VPS13A: variants seen among roughly 807,000 people sequenced by gnomAD.
The protein encoded by VPS13A is vacuolar protein sorting 13 homolog A.
In VPS13A, 264 loss-of-function variants were observed where a neutral mutation model predicts 390.9. The observed-to-expected ratio is 0.68, with a 90% CI of 0.61 to 0.75. The LOEUF (loss-of-function observed/expected upper bound fraction) is 0.75. Ranked by LOEUF, VPS13A falls within the 30% of genes least tolerant of loss-of-function variation. The pLI, the probability that VPS13A is intolerant of heterozygous loss-of-function variation, is 0.00. For missense variants in VPS13A, 3,409 were observed against 3,733.9 expected (o/e 0.91, Z 2.27); for synonymous variants, 1,231 against 1,227.1 (o/e 1.00, Z -0.07).
At chr9:77,215,595 C>T (rs1173040929) in intron 10 of VPS13A, among the ~76,000 whole-genome samples, 1 of 152,102 alleles carries the variant, frequency 6.6e-6, no homozygotes, top group Non-Finnish European at 1.5e-5. Context: ...TAAAGAATTA[C>T]CAACTATAAG....
At chr9:77,272,182 G>A (rs1826386861) in intron 23 of VPS13A, among the ~76,000 whole-genome samples, 2 of 152,080 alleles carry the variant, frequency 1.3e-5, no homozygotes, top group African/African-American at 4.8e-5. Flanking sequence ...ATTAAAACTA[G>A]GATGACATGG....
intron 31 of VPS13A, among the ~76,000 whole-genome samples, chr9:77,288,298 C>G (rs968724168): frequency 6.6e-6 from 1 of 152,136 alleles, no homozygotes; most frequent in Non-Finnish European, 1.5e-5. Flanking sequence ...TTTATTTATG[C>G]TCTTTTAAGA....
intron 68 of VPS13A, among the ~76,000 whole-genome samples, chr9:77,395,476 A>C (rs1587715248): frequency 6.6e-6 from 1 of 152,218 alleles, no homozygotes; most frequent in South Asian, 2.1e-4. Flanking sequence ...TGATAAAAAA[A>C]GTTTGAAATA....
chr9:77,260,616 A>G (rs1825706357), intron 23 of VPS13A, among the ~76,000 whole-genome samples: 1 of 152,050 alleles, frequency 6.6e-6, no homozygotes, highest in South Asian at 2.1e-4. Context: ...CGGCCTCCCA[A>G]AGTGCTGGGC....
chr9:77,221,729 A>G (rs1377246771), intron 13 of VPS13A, among the ~76,000 whole-genome samples: 1 of 152,104 alleles, frequency 6.6e-6, no homozygotes, highest in Non-Finnish European at 1.5e-5. Flanking sequence ...CAATCTGACC[A>G]TGCACTAATT....
chr9:77,238,189 G>A lies in VPS13A; in HGVS notation c.1783G>A (p.Ala595Thr). ...EAEPLEIIYD[A>T]RTVNSIVEFF... ...TGAACCTTTAGAAATCATATATGAT[G>A]CAGTAAGCATTTTTTTAAATTACTA... Residue 595 changes from alanine to threonine, a missense_variant and splice_region_variant, in exon 18 of 72, where the codon GCA becomes ACA. Around this residue, in one of 5 missense-constraint regions of VPS13A, gnomAD observed 2,717 missense variants for 2,917.4 expected, o/e 0.93. Coordinates refer to ENST00000360280, the MANE Select transcript of VPS13A (RefSeq NM_033305.3). 2 of 1,612,602 alleles carry A rather than the reference G, an allele frequency of 1.2e-6. No individual in the cohort carries two copies. The highest frequency in any genetic ancestry group is 1.7e-6 in the Non-Finnish European group (2 of 1,178,908).
intron 33 of VPS13A, among the ~76,000 whole-genome samples, chr9:77,301,951 A>G (rs1828382591): frequency 6.9e-6 from 1 of 144,520 alleles, no homozygotes; most frequent in South Asian, 2.2e-4. Context: ...CAAATTACAT[A>G]GAGATATTTT....
intron 22 of VPS13A, among the ~76,000 whole-genome samples, chr9:77,258,547 G>A (rs1303633376): frequency 6.6e-6 from 1 of 152,058 alleles, no homozygotes. Flanking sequence ...CATGCACTGA[G>A]AGTCTTGAGG....
At chr9:77,243,027 T>A (rs1008744474) in intron 19 of VPS13A, among the ~76,000 whole-genome samples, 1 of 152,084 alleles carries the variant, frequency 6.6e-6, no homozygotes, top group Non-Finnish European at 1.5e-5. Flanking sequence ...ATATTTTGGA[T>A]TTTTTCTAGA....
intron 14 of VPS13A, 46 bp downstream of exon 14, chr9:77,226,034 A>G: frequency 6.6e-7 from 1 of 1,514,648 alleles, no homozygotes; most frequent in African/African-American, 1.4e-5. Flanking sequence ...TGAATTCCAT[A>G]TAGATATGAC....
At chr9:77,381,436 G>T (rs968291297) in intron 67 of VPS13A, among the ~76,000 whole-genome samples, 1 of 152,050 alleles carries the variant, frequency 6.6e-6, no homozygotes, top group Non-Finnish European at 1.5e-5. Context: ...ATAGATTAAG[G>T]AAAATATACC....
intron 1 of VPS13A, among the ~76,000 whole-genome samples, chr9:77,190,759 TGC>T (rs1824629413): frequency 1.3e-5 from 2 of 152,236 alleles, no homozygotes; most frequent in African/African-American, 4.8e-5. Flanking sequence ...AACTCATTAT[TGC>T]TCTGTTGAGG....
At chr9:77,225,351 AG>A (rs1453241461) in intron 13 of VPS13A, among the ~76,000 whole-genome samples, 2 of 152,132 alleles carry the variant, frequency 1.3e-5, no homozygotes, top group Non-Finnish European at 2.9e-5. Flanking sequence ...CTCAGACTTA[AG>A]CTGTCCTCTC....
At chr9:77,399,197 A>T (rs7049206) in intron 68 of VPS13A, among the ~76,000 whole-genome samples, 1,472 of 114,210 alleles carry the variant, frequency 0.013, 30 homozygotes, top group East Asian at 0.034. Context: ...AAAAAAAAAA[A>T]AAAAAAAACA....
Position 77,274,225 on chromosome 9 carries a change from C to T in VPS13A, c.2512+861C>T, listed in dbSNP as rs1311203255. On this transcript the variant is annotated intron_variant, in intron 24 of 71. Transcript: ENST00000360280. ...CGGGCGGATCATGAGGTCAAGAGATCGAGACCATTCTGGCCAACATGGTGA... is the reference window on the plus strand; with the variant it reads ...CGGGCGGATCATGAGGTCAAGAGATTGAGACCATTCTGGCCAACATGGTGA... Among the ~76,000 whole-genome samples the T allele has an allele frequency of 2.6e-5, 4 of 151,892 alleles. No individual in the cohort carries two copies. The East Asian group carries it at 5.8e-4, about 22-fold the overall frequency.
In VPS13A at chr9:77,407,554, C is replaced by T; in HGVS notation, c.9421C>T (p.His3141Tyr). The T allele has an allele frequency of 1.9e-6, 3 of 1,612,880 alleles. No homozygotes were observed. Among genetic ancestry groups the T allele is most frequent in the Non-Finnish European group, 2.5e-6 (3 of 1,179,152 alleles). The change falls in exon 71 of 72, where the codon CAT (histidine) becomes TAT (tyrosine). Residue 3141 changes from histidine to tyrosine, a missense_variant. Physicochemically the swap from His to Tyr is moderately conservative, Grantham distance 83. Transcript: ENST00000360280. Reference protein sequence around the residue: ...EAKERVKSVFHAREFGKIINF... With the variant: ...EAKERVKSVFYAREFGKIINF... ...ATAGGAACGAGTGAAGTCTGTATTT[C>T]ATGCCAGAGAGTTTGGAAAAATAAT...
intron 1 of VPS13A, among the ~76,000 whole-genome samples, chr9:77,197,809 A>C (rs76492753): frequency 6.6e-6 from 1 of 152,302 alleles, no homozygotes; most frequent in Admixed American, 6.5e-5. Context: ...TGTACCTTCA[A>C]CCATCAGAAA....
chr9:77,370,580 T>A lies in VPS13A; in HGVS notation c.8907+2T>A, dbSNP rs1479800564. ...CGTGGAGGAAAAGGCTTAGTTTCTG[T>A]AAGAAATTTCACAGGGTTGTGAAGA... On this transcript the variant is annotated splice_donor_variant, in intron 65 of 71. Coordinates refer to ENST00000360280, the MANE Select transcript of VPS13A (RefSeq NM_033305.3). LOFTEE classifies it high-confidence loss of function. 2.5e-6 allele frequency: 4 copies of A among 1,613,984 alleles called. No homozygotes were observed. The highest frequency in any genetic ancestry group is 3.4e-6 in the Non-Finnish European group (4 of 1,180,012).
chr9:77,216,961 G>C (rs1370318757), intron 10 of VPS13A, among the ~76,000 whole-genome samples: 2 of 152,172 alleles, frequency 1.3e-5, no homozygotes, highest in African/African-American at 4.8e-5. Flanking sequence ...CAGCTGATTA[G>C]ATTGTGCCCA....
Sources: allele counts gnomAD v4.1 joint callset (sites outside exome capture counted in the v4.1 genomes callset), GRCh38; gene constraint gnomAD v4.1.1; regional missense constraint gnomAD v4.1.1; transcripts MANE v1.5; gene names NCBI Gene and HGNC (gene_info 2026-07-23, HGNC 2026-07-21).